The following ARMC1 variants were observed in gnomAD, a reference collection of about 807,000 sequenced individuals.
The protein encoded by ARMC1 is armadillo repeat containing 1.
Under a neutral mutation model 31.4 loss-of-function variants are expected in ARMC1, and 16 were observed. The observed-to-expected ratio is 0.51, with a 90% CI of 0.34 to 0.77. ARMC1 has a LOEUF of 0.77. Ranked by LOEUF, ARMC1 falls within the 30% of genes least tolerant of loss-of-function variation. The pLI is 0.01. For missense variants in ARMC1, 259 were observed against 347.5 expected (o/e 0.75, Z 2.02); for synonymous variants, 114 against 118.9 (o/e 0.96, Z 0.27).
At chr8:65,626,922 G>A (rs1001348854) in intron 2 of ARMC1, among the ~76,000 whole-genome samples, 1 of 151,836 alleles carries the variant, frequency 6.6e-6, no homozygotes, top group African/African-American at 2.4e-5. Flanking sequence ...GGCTGAGGTC[G>A]GGGGGATGGT....
Position 65,627,219 on chromosome 8 carries a change from CA to C in ARMC1, c.179del (p.Leu60CysfsTer17). On this transcript the variant is annotated frameshift_variant, in exon 2 of 7. Transcript: ENST00000276569. LOFTEE classifies it high-confidence loss of function. ...HPNPPVVHSA[L>X]LALRYLAECR... ...GAAATTACTAAAGGCAACTTACAAGCAAAGCGGAGTGGACGACTGGAGGGTT... is the reference window on the plus strand; with the variant it reads ...GAAATTACTAAAGGCAACTTACAAGCAAGCGGAGTGGACGACTGGAGGGTT... 6.5e-7 allele frequency: 1 copy of C among 1,547,874 alleles called. No individual in the cohort carries two copies. The highest frequency in any genetic ancestry group is 2.3e-5 in the East Asian group (1 of 43,240).
intron 3 of ARMC1, among the ~76,000 whole-genome samples, chr8:65,616,502 G>A (rs530821522): frequency 9.4e-4 from 143 of 152,244 alleles, no homozygotes; most frequent in African/African-American, 2.9e-3. Flanking sequence ...CCTCCCAGCC[G>A]CCTGCCTTGG....
rs1156810759 is a variant in ARMC1 at position 65,603,360 on chromosome 8, A to C, written c.*1034T>G. 1 of 152,232 alleles carries C rather than the reference A, an allele frequency of 6.6e-6. No homozygotes were observed. Among genetic ancestry groups the C allele is most frequent in the Non-Finnish European group, 1.5e-5 (1 of 68,028 alleles). 9.4% of individuals were successfully genotyped at this position (152,232 alleles called of 1,614,324 possible). A position where few individuals can be genotyped will look rare whatever the true frequency, so the allele number is the denominator to read the frequency against. Reference sequence around the variant, plus strand: ...GGGTCTTTTTCATTCAACACAACGCAGCATTTTCATAATAAATTCACAAAA... The same window carrying C: ...GGGTCTTTTTCATTCAACACAACGCCGCATTTTCATAATAAATTCACAAAA... On this transcript the variant is annotated 3_prime_UTR_variant, in exon 7 of 7. Coordinates refer to ENST00000276569, the MANE Select transcript of ARMC1 (RefSeq NM_018120.6).
intron 4 of ARMC1, among the ~76,000 whole-genome samples, chr8:65,612,723 A>G (rs1808168195): frequency 6.6e-6 from 1 of 151,794 alleles, no homozygotes; most frequent in African/African-American, 2.4e-5. Flanking sequence ...TTAGCCAGGC[A>G]TGGTGGTGCA....
intron 3 of ARMC1, among the ~76,000 whole-genome samples, chr8:65,616,803 G>C (rs1391466923): frequency 6.6e-6 from 1 of 150,386 alleles, no homozygotes; most frequent in Non-Finnish European, 1.5e-5. Context: ...TGGGAGGTGA[G>C]GAGCGTCTCT....
In ARMC1 at chr8:65,622,357, ACAG is replaced by A; in HGVS notation, c.184-6_184-4del. ...CATTCTGCCAAGTATCGAAGAGCCT[ACAG>A]CAGAAGAAGTAATAAGTTAATTCGT... On this transcript the variant is annotated splice_polypyrimidine_tract_variant and splice_region_variant and intron_variant, in intron 2 of 6. Coordinates refer to ENST00000276569, the MANE Select transcript of ARMC1 (RefSeq NM_018120.6). 2 of 1,612,136 alleles carry A rather than the reference ACAG, an allele frequency of 1.2e-6. No individual in the cohort carries two copies. Among genetic ancestry groups the A allele is most frequent in the South Asian group, 2.2e-5 (2 of 90,876 alleles).
At chr8:65,616,996 G>C (rs1178443614) in intron 3 of ARMC1, among the ~76,000 whole-genome samples, 2 of 140,304 alleles carry the variant, frequency 1.4e-5, no homozygotes, top group Non-Finnish European at 3.1e-5. Flanking sequence ...CATCCAGGAG[G>C]GAGGCGGGGG....
intron 1 of ARMC1, among the ~76,000 whole-genome samples, chr8:65,628,219 C>A (rs888806301): frequency 2.0e-5 from 3 of 151,892 alleles, no homozygotes; most frequent in African/African-American, 7.3e-5. Flanking sequence ...CATCAGCAGT[C>A]TTTCCACTTT....
At position 65,613,360 on chromosome 8, in the gene ARMC1, C is replaced by G. The variant is rs1379095006; in HGVS notation, c.349G>C (p.Asp117His). The change falls in exon 4 of 7, where the codon GAT (aspartate) becomes CAT (histidine). Residue 117 changes from aspartate (D) to histidine (H), a missense_variant. Coordinates refer to ENST00000276569, the MANE Select transcript of ARMC1 (RefSeq NM_018120.6). ...TTCATCTCATTAAAACTATCACCAT[C>G]TGCCATATTGGAGGACTGAAGAATG... ...YDILQSSNMA[D>H]GDSFNEMNSR... The G allele has an allele frequency of 6.2e-7, 1 of 1,612,266 alleles. No individual in the cohort carries two copies. Among genetic ancestry groups the G allele is most frequent in the South Asian group, 1.1e-5 (1 of 90,578 alleles).
chr8:65,620,699 C>A (rs916514747), intron 3 of ARMC1, among the ~76,000 whole-genome samples: 1 of 151,726 alleles, frequency 6.6e-6, no homozygotes, highest in African/African-American at 2.4e-5. Context: ...CTTAAGCCAG[C>A]GCTCCTCTTC....
rs1488575001 is a variant in ARMC1 at position 65,622,372 on chromosome 8, A to G, written c.184-18T>C. On this transcript the variant is annotated intron_variant, in intron 2 of 6. Coordinates refer to ENST00000276569, the MANE Select transcript of ARMC1 (RefSeq NM_018120.6). ...CGAAGAGCCTACAGCAGAAGAAGTA[A>G]TAAGTTAATTCGTCTGTCCAGACTA... The G allele has an allele frequency of 6.2e-7, 1 of 1,603,578 alleles. No individual in the cohort carries two copies. Among genetic ancestry groups the G allele is most frequent in the Non-Finnish European group, 8.5e-7 (1 of 1,171,464 alleles).
intron 2 of ARMC1, among the ~76,000 whole-genome samples, chr8:65,625,982 G>A (rs1206169487): frequency 6.7e-6 from 1 of 150,242 alleles, no homozygotes; most frequent in Non-Finnish European, 1.5e-5. Flanking sequence ...TCTGCCTCCT[G>A]GGTTCAAGGG....
intron 3 of ARMC1, among the ~76,000 whole-genome samples, chr8:65,616,159 T>C (rs1488802964): frequency 6.6e-6 from 1 of 152,214 alleles, no homozygotes; most frequent in Non-Finnish European, 1.5e-5. Flanking sequence ...CTCTCCCCTC[T>C]TCCCGGTCTC....
At chr8:65,622,622 C>A (rs1808417581) in intron 2 of ARMC1, among the ~76,000 whole-genome samples, 1 of 151,868 alleles carries the variant, frequency 6.6e-6, no homozygotes, top group Non-Finnish European at 1.5e-5. Flanking sequence ...CACCACTTCA[C>A]AGGGATGGAA....
intron 3 of ARMC1, among the ~76,000 whole-genome samples, chr8:65,616,891 G>A (rs201956441): frequency 6.6e-3 from 862 of 130,894 alleles, no homozygotes; most frequent in African/African-American, 0.026. Context: ...GAGCCCCTCC[G>A]CCCGGCAGCC....
chr8:65,608,329 C>T (rs962137665), intron 4 of ARMC1, among the ~76,000 whole-genome samples: 9 of 152,292 alleles, frequency 5.9e-5, no homozygotes, highest in East Asian at 1.9e-4. Context: ...GAGTTCAAGA[C>T]CAGCCTGGCC....
chr8:65,624,957 C>T (rs562391520), intron 2 of ARMC1, among the ~76,000 whole-genome samples: 1 of 152,176 alleles, frequency 6.6e-6, no homozygotes, highest in South Asian at 2.1e-4. Context: ...ACCGTCTCTA[C>T]TAAAAATACA....
rs775312431 is a variant in ARMC1, at chr8:65,613,387, C to T, written c.322G>A (p.Asp108Asn). Residue 108 changes from aspartate to asparagine, a missense_variant, in exon 4 of 7, where the codon GAC becomes AAC. Physicochemically the swap from Asp to Asn is conservative, Grantham distance 23. Transcript: ENST00000276569. The part of the protein sequence containing the change: ...ETKLLASEIY[D>N]ILQSSNMADG... The stretch of plus-strand genomic sequence containing the variant: ...GCCATATTGGAGGACTGAAGAATGT[C>T]ATAGATTTCAGAGGCCAGAAGTTTT... 1.2e-6 allele frequency: 2 copies of T among 1,607,380 alleles called. No individual in the cohort carries two copies. The highest frequency in any genetic ancestry group is 3.4e-5 in the Admixed American group (2 of 58,714).
Position 65,627,209 on chromosome 8 carries a change from AACTTACAAGCAAAGCGGAGTGG to A in ARMC1, c.168_183+6del. The A allele has an allele frequency of 6.5e-7, 1 of 1,533,392 alleles. No individual in the cohort carries two copies. The highest frequency in any genetic ancestry group is 8.8e-7 in the Non-Finnish European group (1 of 1,136,928). 95.0% of individuals were successfully genotyped at this position (1,533,392 alleles called of 1,614,324 possible). On this transcript the variant is annotated splice_donor_variant and splice_donor_5th_base_variant and coding_sequence_variant and intron_variant, in exon 2 of 7. Coordinates refer to ENST00000276569, the MANE Select transcript of ARMC1 (RefSeq NM_018120.6). LOFTEE classifies it high-confidence loss of function. ...AACAGAGATTGAAATTACTAAAGGC[AACTTACAAGCAAAGCGGAGTGG>A]ACGACTGGAGGGTTGGGATGGTCCA...
Sources: gnomAD v4.1 joint callset for allele counts (sites outside exome capture counted in the v4.1 genomes callset) on GRCh38, gnomAD v4.1.1 for gene constraint, MANE v1.5 for transcripts, NCBI Gene and HGNC (gene_info 2026-07-23, HGNC 2026-07-21) for gene names.